ANO10: variants seen among roughly 807,000 people sequenced by gnomAD.
ANO10 encodes anoctamin-10.
A neutral mutation model predicts 74.7 loss-of-function variants in ANO10; 77 were observed. The observed-to-expected ratio is 1.03, with a 90% confidence interval of 0.86 to 1.25. The LOEUF (loss-of-function observed/expected upper bound fraction) is 1.25, where lower values mean the gene tolerates loss of function less well. ANO10 is among the 50% of genes most tolerant of loss of function. The pLI, the probability that ANO10 is intolerant of heterozygous loss-of-function variation, is 0.00. For missense variants in ANO10, 721 were observed against 778.1 expected, an observed-to-expected ratio of 0.93 and a Z score of 0.87; for synonymous variants, 279 against 284.9, an observed-to-expected ratio of 0.98 and a Z score of 0.21.
At chr3:43,492,803 C>T (rs1405981958) in intron 11 of ANO10, among the ~76,000 whole-genome samples, 2 of 151,978 alleles carry the variant, frequency 1.3e-5, no homozygotes, top group Non-Finnish European at 2.9e-5. Context: ...GCTGGACAGC[C>T]TGTGGAAAAA....
intron 1 of ANO10, among the ~76,000 whole-genome samples, chr3:43,611,272 T>C (rs1165979287): frequency 6.6e-6 from 1 of 152,164 alleles, no homozygotes; most frequent in Non-Finnish European, 1.5e-5. Flanking sequence ...CAGGGAAGTA[T>C]GGCTTCCTAA....
At chr3:43,615,547 T>C (rs1027896752) in intron 1 of ANO10, among the ~76,000 whole-genome samples, 1 of 152,206 alleles carries the variant, frequency 6.6e-6, no homozygotes, top group Non-Finnish European at 1.5e-5. Flanking sequence ...AAAGTGGCTC[T>C]ATATTTGTAA....
At chr3:43,554,982 A>G (rs1226354049) in intron 10 of ANO10, among the ~76,000 whole-genome samples, 1 of 152,176 alleles carries the variant, frequency 6.6e-6, no homozygotes, top group Non-Finnish European at 1.5e-5. Flanking sequence ...TCTCATTAAT[A>G]CTGGCTGAGA....
chr3:43,537,947 T>G (rs1169581789), intron 11 of ANO10, among the ~76,000 whole-genome samples: 1 of 152,112 alleles, frequency 6.6e-6, no homozygotes, highest in Non-Finnish European at 1.5e-5. Flanking sequence ...AAAGACCCTC[T>G]GAAGCTTTTA....
intron 1 of ANO10, among the ~76,000 whole-genome samples, chr3:43,619,723 G>T (rs2083291188): frequency 6.6e-6 from 1 of 151,598 alleles, no homozygotes. Context: ...AAATTAGCTG[G>T]ATACGGTGAA....
chr3:43,602,415 G>A (rs908164428), intron 2 of ANO10, among the ~76,000 whole-genome samples: 5 of 152,106 alleles, frequency 3.3e-5, no homozygotes, highest in Non-Finnish European at 7.4e-5. Context: ...TTGGCTCACT[G>A]CAACCTCCAC....
Position 43,388,324 on chromosome 3 carries a change from G to C in ANO10, c.1915-21350C>G, listed in dbSNP as rs147762532. On this transcript the variant is annotated intron_variant, in intron 12 of 12. Transcript: ENST00000292246. ...CTGCAGTGATTATAGAGTTTCACTG[G>C]AATCAACCATGAACTCGGTCCCTGT... Among the ~76,000 whole-genome samples the C allele has an allele frequency of 3.2e-3, 483 of 152,128 alleles. 4 individuals carry two copies. The highest frequency in any genetic ancestry group is 0.011 in the African/African-American group (459 of 41,496).
intron 1 of ANO10, among the ~76,000 whole-genome samples, chr3:43,683,451 C>G (rs2084229005): frequency 6.6e-6 from 1 of 152,150 alleles, no homozygotes; most frequent in Admixed American, 6.5e-5. Flanking sequence ...AATGGAAGAA[C>G]ATTCCATGCT....
chr3:43,517,477 A>G lies in ANO10; in HGVS notation c.1797+32243T>C, dbSNP rs149595224. 2.3e-4 allele frequency among the ~76,000 whole-genome samples: 35 copies of G among 152,274 alleles called. No individual in the cohort carries two copies. In the East Asian group the frequency reaches 6.4e-3, roughly 28 times the overall value. The stretch of plus-strand genomic sequence containing the variant: ...GACAGGGCCTACAAGAAGGTAATTA[A>G]AGTTGAAAGGGGTCATAAGGGTGGG... On this transcript the variant is annotated intron_variant, in intron 11 of 12. Transcript: ENST00000292246.
intron 11 of ANO10, among the ~76,000 whole-genome samples, chr3:43,496,722 C>A (rs1342507389): frequency 2.0e-5 from 3 of 152,080 alleles, no homozygotes; most frequent in Non-Finnish European, 4.4e-5. Context: ...CATGTCTCCC[C>A]CTTTCTTCCC....
chr3:43,631,722 C>T (rs1284995915), intron 1 of ANO10, among the ~76,000 whole-genome samples: 2 of 149,484 alleles, frequency 1.3e-5, no homozygotes, highest in African/African-American at 2.5e-5. Flanking sequence ...ATGTAGAGAA[C>T]CCATTATTTT....
intron 11 of ANO10, among the ~76,000 whole-genome samples, chr3:43,491,589 C>T (rs1214925399): frequency 6.6e-6 from 1 of 152,162 alleles, no homozygotes; most frequent in African/African-American, 2.4e-5. Flanking sequence ...CTGCTTGGAC[C>T]TCTTCCACCA....
At chr3:43,409,743 A>G (rs2092634426) in intron 12 of ANO10, among the ~76,000 whole-genome samples, 3 of 152,184 alleles carry the variant, frequency 2.0e-5, no homozygotes, top group Non-Finnish European at 4.4e-5. Flanking sequence ...AACAACTATA[A>G]CCAATGATAA....
At chr3:43,372,934 T>C in intron 12 of ANO10, 1 of 1,305,098 alleles carries the variant, frequency 7.7e-7, no homozygotes, top group Non-Finnish European at 1.1e-6. Flanking sequence ...TTTTCATGCG[T>C]ATGAAAGAGA....
intron 1 of ANO10, among the ~76,000 whole-genome samples, chr3:43,689,760 GAA>G (rs2084327063): frequency 1.3e-5 from 2 of 152,270 alleles, no homozygotes; most frequent in South Asian, 4.1e-4. Flanking sequence ...TCAGAGGAGA[GAA>G]AAAGAGGGAG....
At position 43,366,962 on chromosome 3, in the gene ANO10, C is replaced by G; in HGVS notation, c.1927G>C (p.Val643Leu). The change falls in exon 13 of 13, where the codon GTG becomes CTG. Residue 643 changes from valine to leucine, a missense_variant. Coordinates refer to ENST00000292246, the MANE Select transcript of ANO10 (RefSeq NM_018075.5). Reference protein sequence around the residue: ...EALKQQQMKLVTENLKEEPME... With the variant: ...EALKQQQMKLLTENLKEEPME... ...GGTTCCTCCTTCAGGTTCTCGGTCA[C>G]GAGCTTCATTTGCTGTTAAGAGAAA... is the stretch of plus-strand genomic sequence containing the variant. The G allele has an allele frequency of 6.2e-7, 1 of 1,601,724 alleles. No individual in the cohort carries two copies. The highest frequency in any genetic ancestry group is 1.1e-5 in the South Asian group (1 of 88,682).
chr3:43,655,284 C>G (rs1167286002), intron 1 of ANO10, among the ~76,000 whole-genome samples: 1 of 152,088 alleles, frequency 6.6e-6, no homozygotes, highest in Non-Finnish European at 1.5e-5. Context: ...GGTGGCGCGT[C>G]TGGAGCTTGT....
intron 1 of ANO10, among the ~76,000 whole-genome samples, chr3:43,607,752 T>C (rs1368560983): frequency 6.6e-6 from 1 of 152,154 alleles, no homozygotes; most frequent in Non-Finnish European, 1.5e-5. Context: ...TTTAAAATAA[T>C]GATCATATAT....
At chr3:43,673,247 A>C (rs1169063002) in intron 1 of ANO10, among the ~76,000 whole-genome samples, 1 of 152,234 alleles carries the variant, frequency 6.6e-6, no homozygotes, top group Non-Finnish European at 1.5e-5. Context: ...CCCACTTGTC[A>C]GAAAATGTAA....
Sources: allele counts gnomAD v4.1 joint callset (sites outside exome capture counted in the v4.1 genomes callset), GRCh38; gene constraint gnomAD v4.1.1; transcripts MANE v1.5; gene names NCBI Gene and HGNC (gene_info 2026-07-23, HGNC 2026-07-21).